The following CSMD3 variants were observed in gnomAD, a reference collection of about 807,000 sequenced individuals.
The protein encoded by CSMD3 is CUB and Sushi multiple domains 3.
In CSMD3, 177 loss-of-function variants were observed where a neutral mutation model predicts 435.2. The ratio of observed to expected loss-of-function variants is 0.41; its 90% CI spans 0.36 to 0.46. The LOEUF is 0.46. CSMD3 is among the 20% of genes least tolerant of loss of function. The pLI, the probability that CSMD3 is intolerant of heterozygous loss-of-function variation, is 0.34. For missense variants in CSMD3, 4,265 were observed against 4,504.6 expected (o/e 0.95, Z 1.52); for synonymous variants, 1,656 against 1,520.5 (o/e 1.09, Z -2.07).
intron 35 of CSMD3, among the ~76,000 whole-genome samples, chr8:112,403,577 T>C (rs534057950): frequency 3.9e-5 from 6 of 152,230 alleles, no homozygotes; most frequent in African/African-American, 1.2e-4. Flanking sequence ...CGGTGCTTCA[T>C]AGACAGTGCC....
chr8:112,482,765 T>A (rs1048142146), intron 31 of CSMD3, among the ~76,000 whole-genome samples: 4 of 152,240 alleles, frequency 2.6e-5, no homozygotes, highest in Non-Finnish European at 5.9e-5. Flanking sequence ...AAAAGCGCTC[T>A]TTAATAATTT....
chr8:112,362,065 G>A (rs910922626), intron 38 of CSMD3, among the ~76,000 whole-genome samples: 10 of 151,846 alleles, frequency 6.6e-5, no homozygotes, highest in Non-Finnish European at 1.3e-4. Context: ...CAAGAATAAT[G>A]TAGACATTTG....
intron 32 of CSMD3, among the ~76,000 whole-genome samples, chr8:112,419,251 A>G (rs1448696366): frequency 6.6e-6 from 1 of 152,164 alleles, no homozygotes; most frequent in Non-Finnish European, 1.5e-5. Flanking sequence ...TAAAATCTCC[A>G]TGCAGAAGCA....
intron 3 of CSMD3, among the ~76,000 whole-genome samples, chr8:113,224,272 A>G (rs2093002010): frequency 6.6e-6 from 1 of 151,064 alleles, no homozygotes; most frequent in Admixed American, 6.6e-5. Context: ...TTTATTTTGT[A>G]TTTGCCCATT....
intron 32 of CSMD3, among the ~76,000 whole-genome samples, chr8:112,448,857 A>G (rs921514172): frequency 2.0e-5 from 3 of 152,064 alleles, no homozygotes; most frequent in African/African-American, 7.2e-5. Context: ...AATTCAGGTT[A>G]ATCCTTTACC....
In CSMD3 at chr8:112,449,713, G is replaced by T. The variant is rs533900192; in HGVS notation, c.5395+22878C>A. ...TAAATAATAGTGCTCGGTCATCATTGTTTTGTTCTAAAGTTCTAATAGGAA... is the reference window on the plus strand; with the variant it reads ...TAAATAATAGTGCTCGGTCATCATTTTTTTGTTCTAAAGTTCTAATAGGAA... On this transcript the variant is annotated intron_variant, in intron 32 of 70. Transcript: ENST00000297405. Among the ~76,000 whole-genome samples, 221 of 152,278 alleles carry T rather than the reference G, an allele frequency of 1.5e-3. 1 individual carries two copies. The highest frequency in any genetic ancestry group is 4.8e-3 in the African/African-American group (200 of 41,548).
chr8:112,456,430 T>A (rs969922438), intron 32 of CSMD3, among the ~76,000 whole-genome samples: 4 of 152,020 alleles, frequency 2.6e-5, no homozygotes, highest in Non-Finnish European at 5.9e-5. Flanking sequence ...TAGAAATAAA[T>A]AGTTCTATGA....
chr8:113,367,507 A>C (rs1456617122), intron 1 of CSMD3, among the ~76,000 whole-genome samples: 4 of 152,138 alleles, frequency 2.6e-5, no homozygotes, highest in Non-Finnish European at 5.9e-5. Context: ...AATTACAATT[A>C]TGATTCTTCC....
intron 4 of CSMD3, among the ~76,000 whole-genome samples, chr8:113,136,259 C>T (rs1440764559): frequency 1.3e-5 from 2 of 151,506 alleles, no homozygotes; most frequent in Non-Finnish European, 3.0e-5. Context: ...ACTTTATCCA[C>T]TATGGTAACC....
intron 27 of CSMD3, among the ~76,000 whole-genome samples, chr8:112,520,742 ATATAT>A (rs1824195788): frequency 1.4e-5 from 1 of 72,942 alleles, no homozygotes; most frequent in African/African-American, 5.4e-5. Context: ...TATATGCCAA[ATATAT>A]GTCAAATAAC....
intron 1 of CSMD3, among the ~76,000 whole-genome samples, chr8:113,376,419 A>G (rs1167748728): frequency 1.3e-5 from 2 of 152,142 alleles, no homozygotes; most frequent in Non-Finnish European, 2.9e-5. Context: ...TCAAATAATA[A>G]TAACAAAAAA....
intron 66 of CSMD3, among the ~76,000 whole-genome samples, chr8:112,240,691 A>G (rs1814036484): frequency 6.6e-6 from 1 of 152,206 alleles, no homozygotes; most frequent in African/African-American, 2.4e-5. Context: ...ATACTGAATA[A>G]GCATGATATG....
At chr8:112,711,043 A>G (rs938938393) in intron 13 of CSMD3, among the ~76,000 whole-genome samples, 2 of 152,014 alleles carry the variant, frequency 1.3e-5, no homozygotes, top group Admixed American at 1.3e-4. Flanking sequence ...TGATTCACAG[A>G]AAGAAAGAGC....
At chr8:113,169,853 T>C (rs1409217696) in intron 4 of CSMD3, among the ~76,000 whole-genome samples, 1 of 152,172 alleles carries the variant, frequency 6.6e-6, no homozygotes, top group East Asian at 1.9e-4. Context: ...CATTCAAGAC[T>C]TGGCGCATAG....
At position 112,600,602 on chromosome 8, in the gene CSMD3, G is replaced by A. The variant is rs185565323; in HGVS notation, c.3716-13367C>T. On this transcript the variant is annotated intron_variant, in intron 22 of 70. Coordinates refer to ENST00000297405, the MANE Select transcript of CSMD3 (RefSeq NM_198123.2). ...TTGTTTTCATGTCTTTTAGTCAAAC[G>A]GTCAAACCAAATTGTAGTGTTAAGT... 1.1e-4 allele frequency among the ~76,000 whole-genome samples: 16 copies of A among 152,214 alleles called. No individual in the cohort carries two copies. The East Asian group carries it at 2.9e-3, about 28-fold the overall frequency.
rs569778206 is a variant in CSMD3, at chr8:113,149,712, T to C, written c.709+24010A>G. 2.6e-4 allele frequency among the ~76,000 whole-genome samples: 40 copies of C among 152,010 alleles called. No homozygotes were observed. In the South Asian group the frequency reaches 4.1e-3, roughly 16 times the overall value. Reference sequence around the variant, plus strand: ...ATTTCTCTAAAATATAATTTAACTATTTATAAGGGAGGAAACTCCTTTGGT... The same window carrying C: ...ATTTCTCTAAAATATAATTTAACTACTTATAAGGGAGGAAACTCCTTTGGT... On this transcript the variant is annotated intron_variant, in intron 4 of 70. Coordinates refer to ENST00000297405, the MANE Select transcript of CSMD3 (RefSeq NM_198123.2).
chr8:113,055,018 T>C (rs2088258783), intron 5 of CSMD3, among the ~76,000 whole-genome samples: 1 of 152,190 alleles, frequency 6.6e-6, no homozygotes, highest in Admixed American at 6.5e-5. Context: ...CCTAGATAGA[T>C]CGTCCCCTTT....
chr8:113,220,266 C>T (rs1051446913), intron 3 of CSMD3, among the ~76,000 whole-genome samples: 1 of 151,354 alleles, frequency 6.6e-6, no homozygotes, highest in Non-Finnish European at 1.5e-5. Flanking sequence ...ATTCTCTTAA[C>T]ATTTTCTAGG....
chr8:112,335,740 T>G (rs1022386586), intron 44 of CSMD3, among the ~76,000 whole-genome samples: 2 of 144,242 alleles, frequency 1.4e-5, no homozygotes, highest in African/African-American at 2.9e-5. Context: ...TGTCTTTGTT[T>G]TTTTTTTTTT....
Sources: allele counts gnomAD v4.1 joint callset (sites outside exome capture counted in the v4.1 genomes callset), GRCh38; gene constraint gnomAD v4.1.1; transcripts MANE v1.5; gene names NCBI Gene and HGNC (gene_info 2026-07-23, HGNC 2026-07-21).